Variants in C10orf67 observed in about 807,000 individuals in gnomAD.
C10orf67 encodes chromosome 10 open reading frame 67.
In C10orf67, 60 loss-of-function variants were observed where a neutral mutation model predicts 35.6. That is an observed-to-expected ratio of 1.68 (90% confidence interval 1.37 to 2.09). The LOEUF is 2.09. Ranked by LOEUF, C10orf67 falls within the 30% of genes most tolerant of loss-of-function variation. The pLI is 0.00. For synonymous variants in C10orf67, 167 were observed against 115.8 expected (o/e 1.44, Z -2.84); for missense variants, 474 against 330.2 (o/e 1.44, Z -3.38).
chr10:23,213,331 A>T (rs1841358134), intron 15 of C10orf67, among the ~76,000 whole-genome samples: 1 of 152,228 alleles, frequency 6.6e-6, no homozygotes, highest in Non-Finnish European at 1.5e-5. Context: ...AGATTTCTAG[A>T]AGTAAAGAAA....
rs1844129940 is a variant in C10orf67, at chr10:23,302,799, T to C, written c.702+505A>G. Among the ~76,000 whole-genome samples the C allele has an allele frequency of 2.6e-5, 4 of 152,160 alleles. No individual in the cohort carries two copies. The South Asian group carries it at 8.3e-4, about 32-fold the overall frequency. ...TCCCATCAGTAGTTTGTCTAACCAG[T>C]AAAGCAGCTCCTGGCTCCCACTGCA... On this transcript the variant is annotated intron_variant, in intron 5 of 15. Transcript: ENST00000636213.
At chr10:23,269,027 G>A (rs1271588075) in intron 8 of C10orf67, among the ~76,000 whole-genome samples, 2 of 152,154 alleles carry the variant, frequency 1.3e-5, no homozygotes, top group East Asian at 3.9e-4. Context: ...GTTAACCTTT[G>A]TTGTAATGGT....
chr10:23,239,632 T>C, intron 13 of C10orf67, 97 bp downstream of exon 13: 2 of 549,440 alleles, frequency 3.6e-6, no homozygotes, highest in Admixed American at 2.3e-5. Context: ...CTAGAGCCTG[T>C]AATGACAGGG....
chr10:23,343,459 C>T (rs1052400998), intron 1 of C10orf67, among the ~76,000 whole-genome samples: 4 of 152,200 alleles, frequency 2.6e-5, no homozygotes, highest in Admixed American at 6.5e-5. Flanking sequence ...GAAACAAATT[C>T]CTGTTGCTTA....
intron 10 of C10orf67, among the ~76,000 whole-genome samples, chr10:23,259,249 CA>C (rs1842684755): frequency 6.6e-6 from 1 of 152,194 alleles, no homozygotes; most frequent in South Asian, 2.1e-4. Flanking sequence ...CTTCGTATAT[CA>C]AGCTATTCTG....
intron 15 of C10orf67, among the ~76,000 whole-genome samples, chr10:23,209,654 T>C (rs1841254485): frequency 6.6e-6 from 1 of 152,086 alleles, no homozygotes; most frequent in Non-Finnish European, 1.5e-5. Context: ...TCATTTCTCT[T>C]AAGTATATAT....
intron 2 of C10orf67, among the ~76,000 whole-genome samples, chr10:23,329,380 T>C (rs1397371239): frequency 1.3e-5 from 2 of 152,242 alleles, no homozygotes; most frequent in South Asian, 2.1e-4. Flanking sequence ...ACCCAGAATA[T>C]TTAAGAAAAT....
At chr10:23,315,463 G>A (rs1844665263) in intron 4 of C10orf67, among the ~76,000 whole-genome samples, 1 of 152,186 alleles carries the variant, frequency 6.6e-6, no homozygotes, top group Non-Finnish European at 1.5e-5. Flanking sequence ...TTTTGAGACA[G>A]GGTCTTGCTC....
At chr10:23,277,680 A>C (rs1433012683) in intron 8 of C10orf67, among the ~76,000 whole-genome samples, 9 of 152,172 alleles carry the variant, frequency 5.9e-5, no homozygotes, top group Admixed American at 5.9e-4. Flanking sequence ...CATTTATGTC[A>C]GCATGTAAAG....
intron 1 of C10orf67, among the ~76,000 whole-genome samples, chr10:23,342,240 A>ACACACACACT (rs911889225): frequency 4.0e-5 from 6 of 149,144 alleles, no homozygotes; most frequent in East Asian, 4.0e-4. Flanking sequence ...ACACACACAC[A>ACACACACACT]CTCTCACACA....
intron 1 of C10orf67, among the ~76,000 whole-genome samples, chr10:23,343,610 C>T (rs1846002965): frequency 6.6e-6 from 1 of 152,174 alleles, no homozygotes; most frequent in African/African-American, 2.4e-5. Flanking sequence ...CGATTATTTC[C>T]CGCTGAGAAA....
At chr10:23,305,940 GATGA>G (rs1469034058) in intron 4 of C10orf67, among the ~76,000 whole-genome samples, 1 of 151,690 alleles carries the variant, frequency 6.6e-6, no homozygotes, top group Admixed American at 6.6e-5. Flanking sequence ...TCCATCAACA[GATGA>G]ATGAAGAAAA....
chr10:23,271,350 T>C (rs1843017069), intron 8 of C10orf67, among the ~76,000 whole-genome samples: 1 of 152,242 alleles, frequency 6.6e-6, no homozygotes, highest in Admixed American at 6.5e-5. Flanking sequence ...TCCAGTTTTT[T>C]GCTCTTACAA....
At chr10:23,245,815 T>C (rs1000276974) in intron 12 of C10orf67, among the ~76,000 whole-genome samples, 1 of 152,130 alleles carries the variant, frequency 6.6e-6, no homozygotes, top group African/African-American at 2.4e-5. Context: ...GAACTTAAAA[T>C]AGAACTACTC....
chr10:23,328,224 G>A (rs1056794297), intron 2 of C10orf67, among the ~76,000 whole-genome samples: 3 of 152,038 alleles, frequency 2.0e-5, no homozygotes, highest in South Asian at 2.1e-4. Context: ...CCAATATCCG[G>A]CATCATGGTT....
intron 4 of C10orf67, among the ~76,000 whole-genome samples, chr10:23,309,520 A>C (rs182043067): frequency 6.6e-6 from 1 of 152,338 alleles, no homozygotes; most frequent in East Asian, 1.9e-4. Flanking sequence ...AAGCATGCAC[A>C]TATACCCTCT....
chr10:23,257,487 C>T (rs1418860118), intron 10 of C10orf67, among the ~76,000 whole-genome samples: 1 of 152,164 alleles, frequency 6.6e-6, no homozygotes, highest in East Asian at 1.9e-4. Context: ...CCACTCTAGT[C>T]ACATACCCAC....
intron 5 of C10orf67, among the ~76,000 whole-genome samples, chr10:23,301,196 C>T (rs1171659795): frequency 6.6e-6 from 1 of 152,188 alleles, no homozygotes; most frequent in Non-Finnish European, 1.5e-5. Context: ...AAACTTCTGG[C>T]TGTGCCATGA....
chr10:23,296,906 C>A (rs941037044), intron 5 of C10orf67, among the ~76,000 whole-genome samples: 1 of 152,174 alleles, frequency 6.6e-6, no homozygotes, highest in Non-Finnish European at 1.5e-5. Flanking sequence ...TTTGAAAAGG[C>A]CTGGTCCAGT....
Sources: gnomAD v4.1 joint callset for allele counts (sites outside exome capture counted in the v4.1 genomes callset) on GRCh38, gnomAD v4.1.1 for gene constraint, MANE v1.5 for transcripts, NCBI Gene and HGNC (gene_info 2026-07-23, HGNC 2026-07-21) for gene names.